ANKRD30A: variants seen among roughly 807,000 people sequenced by gnomAD.
ANKRD30A encodes the protein ankyrin repeat domain 30A.
Under a neutral mutation model 166.3 loss-of-function variants are expected in ANKRD30A, and 170 were observed. The ratio of observed to expected loss-of-function variants is 1.02; its 90% confidence interval spans 0.90 to 1.16. ANKRD30A has a LOEUF of 1.16. Among genes scored for constraint, ANKRD30A ranks in the 50% most tolerant of loss-of-function variants. The probability of loss-of-function intolerance (pLI) is 0.00; values close to 1 mark genes in which losing one functional copy is unlikely to be tolerated. For missense variants in ANKRD30A, 1,630 were observed against 1,518.0 expected, an observed-to-expected ratio of 1.07 and a Z score of -1.23; for synonymous variants, 564 against 508.9, an observed-to-expected ratio of 1.11 and a Z score of -1.46.
chr10:37,125,672 G>A lies in ANKRD30A; in HGVS notation c.-116G>A. 1 of 440,666 alleles carries A rather than the reference G, an allele frequency of 2.3e-6. No homozygotes were observed. The highest frequency in any genetic ancestry group is 2.7e-5 in the South Asian group (1 of 37,184). 27.3% of individuals were successfully genotyped at this position (440,666 alleles called of 1,614,324 possible). The stretch of plus-strand genomic sequence containing the variant: ...TTGGCGAACACAGAACTTTTTACGG[G>A]TATCGAGGCGGTGCGTGGACTGAAG... On this transcript the variant is annotated 5_prime_UTR_variant, in exon 1 of 36. Transcript: ENST00000361713.
intron 13 of ANKRD30A, 133 bp downstream of exon 13, chr10:37,153,795 T>A: frequency 7.8e-7 from 1 of 1,274,488 alleles, no homozygotes. Flanking sequence ...AGTGCAATGG[T>A]CGTAAGTTGT....
At chr10:37,152,544 A>G (rs1239917345) in intron 12 of ANKRD30A, among the ~76,000 whole-genome samples, 1 of 152,130 alleles carries the variant, frequency 6.6e-6, no homozygotes, top group Non-Finnish European at 1.5e-5. Context: ...TGGGACCTGA[A>G]AAGTTAATGC....
In ANKRD30A at chr10:37,192,763, G is replaced by A. The variant is rs199989669; in HGVS notation, c.2513-301G>A. Among the ~76,000 whole-genome samples, 12 of 151,804 alleles carry A rather than the reference G, an allele frequency of 7.9e-5. No homozygotes were observed. In the East Asian group the frequency reaches 1.5e-3, roughly 20 times the overall value. On this transcript the variant is annotated intron_variant, in intron 25 of 35. Transcript: ENST00000361713. ...TTAAATACAACTTCTTTCCTTATAC[G>A]GCCGCTTTCTCTTACTGATAGTAGG...
intron 31 of ANKRD30A, among the ~76,000 whole-genome samples, chr10:37,202,685 C>G (rs1246724434): frequency 1.3e-5 from 2 of 152,072 alleles, no homozygotes; most frequent in African/African-American, 4.8e-5. Flanking sequence ...TTCAAAAAAT[C>G]AATGAATCCA....
At chr10:37,201,057 G>A (rs1383030459) in intron 30 of ANKRD30A, among the ~76,000 whole-genome samples, 178 bp from the exon 31 acceptor site, 1 of 151,936 alleles carries the variant, frequency 6.6e-6, no homozygotes, top group Non-Finnish European at 1.5e-5. Context: ...GCTTGATGTA[G>A]AGAGGGTTAT....
chr10:37,171,405 C>G (rs1839551499), intron 21 of ANKRD30A, among the ~76,000 whole-genome samples: 1 of 148,538 alleles, frequency 6.7e-6, no homozygotes, highest in African/African-American at 2.5e-5. Context: ...TGGAAAAGTC[C>G]TACTTTCCAA....
At chr10:37,196,092 T>C (rs12360325) in intron 27 of ANKRD30A, among the ~76,000 whole-genome samples, 6,040 of 117,004 alleles carry the variant, frequency 0.052, 218 homozygotes, top group Non-Finnish European at 0.073. Flanking sequence ...TTATATTTTC[T>C]ATTTTTTTTT....
the ANKRD30A span, among the ~76,000 whole-genome samples, chr10:37,257,040 G>T: frequency 1.3e-5 from 2 of 151,640 alleles, no homozygotes; most frequent in African/African-American, 4.8e-5. Context: ...TTTTTTGGTT[G>T]GTAGGCTATT....
rs1424025177 is a variant in ANKRD30A, at chr10:37,219,760, A to G, written c.4048A>G (p.Ile1350Val). 2 of 1,608,616 alleles carry G rather than the reference A, an allele frequency of 1.2e-6. No individual in the cohort carries two copies. Among genetic ancestry groups the G allele is most frequent in the African/African-American group, 1.3e-5 (1 of 74,472 alleles). ...AHKKADNKSK[I>V]TIDIHFLERK... ...TAAGAAAGCTGACAACAAAAGCAAG[A>G]TAACAATTGATATTCATTTTCTTGA... Residue 1350 changes from isoleucine to valine, a missense_variant, in exon 34 of 36, where the codon ATA becomes GTA. By Grantham distance (29) the Ile-to-Val change is conservative. Transcript: ENST00000361713.
intron 13 of ANKRD30A, among the ~76,000 whole-genome samples, chr10:37,154,458 AT>A (rs2132568389): frequency 6.6e-6 from 1 of 152,288 alleles, no homozygotes; most frequent in East Asian, 1.9e-4. Flanking sequence ...TGGAAGAACA[AT>A]TGGATAGAAG....
At chr10:37,195,470 A>C (rs1376323882) in intron 27 of ANKRD30A, among the ~76,000 whole-genome samples, 2 of 152,116 alleles carry the variant, frequency 1.3e-5, no homozygotes, top group Admixed American at 6.6e-5. Context: ...GCTAGTTCAG[A>C]AGATATTGAT....
the ANKRD30A span, among the ~76,000 whole-genome samples, chr10:37,264,208 C>G: frequency 6.6e-6 from 1 of 152,146 alleles, no homozygotes; most frequent in African/African-American, 2.4e-5. Context: ...TTGTATACAG[C>G]CTTAGGTTGG....
chr10:37,237,345 A>T (rs1017318437), downstream of ANKRD30A, among the ~76,000 whole-genome samples: 1 of 152,188 alleles, frequency 6.6e-6, no homozygotes, highest in Non-Finnish European at 1.5e-5. Flanking sequence ...TGAAGAACAG[A>T]ACTTTTTTTA....
At chr10:37,128,233 C>T (rs1190165287) in intron 1 of ANKRD30A, among the ~76,000 whole-genome samples, 1 of 151,898 alleles carries the variant, frequency 6.6e-6, no homozygotes, top group Non-Finnish European at 1.5e-5. Context: ...AAATGTTTTT[C>T]CTTTTTATTA....
chr10:37,208,578 T>G (rs1842114171), intron 31 of ANKRD30A, among the ~76,000 whole-genome samples: 1 of 152,122 alleles, frequency 6.6e-6, no homozygotes, highest in Non-Finnish European at 1.5e-5. Flanking sequence ...GACCTCCACT[T>G]TCTCATTTCT....
chr10:37,210,165 A>G (rs538967659), intron 31 of ANKRD30A, among the ~76,000 whole-genome samples: 2 of 151,404 alleles, frequency 1.3e-5, no homozygotes, highest in African/African-American at 2.4e-5. Context: ...CCCTGTGTCC[A>G]TATGTTCTCA....
intron 31 of ANKRD30A, among the ~76,000 whole-genome samples, chr10:37,204,438 C>T (rs1401323648): frequency 6.6e-6 from 1 of 152,074 alleles, no homozygotes. Context: ...AAACTGGATC[C>T]CTTCCTTACA....
At chr10:37,199,826 G>A in intron 30 of ANKRD30A, 38 bp downstream of exon 30, 5 of 1,260,488 alleles carry the variant, frequency 4.0e-6, no homozygotes, top group Non-Finnish European at 5.6e-6. Flanking sequence ...TATTAGTATT[G>A]CATGATATGA....
chr10:37,143,589 G>A (rs1430737223), intron 7 of ANKRD30A, among the ~76,000 whole-genome samples: 1 of 151,948 alleles, frequency 6.6e-6, no homozygotes, highest in East Asian at 1.9e-4. Context: ...AGGAGGCAGA[G>A]GTTGCAGTGA....
Sources: gnomAD v4.1 joint callset for allele counts (sites outside exome capture counted in the v4.1 genomes callset) on GRCh38, gnomAD v4.1.1 for gene constraint, MANE v1.5 for transcripts, NCBI Gene and HGNC (gene_info 2026-07-23, HGNC 2026-07-21) for gene names.